Variants in DSCAM observed in about 807,000 individuals in gnomAD.
The protein encoded by DSCAM is DS cell adhesion molecule.
In DSCAM, 47 loss-of-function variants were observed where a neutral mutation model predicts 217.7. The observed-to-expected ratio is 0.22, with a 90% CI of 0.17 to 0.28. The LOEUF (loss-of-function observed/expected upper bound fraction) is 0.28, where lower values mean the gene tolerates loss of function less well. DSCAM is among the 10% of genes least tolerant of loss of function. DSCAM has a pLI of 1.00. For missense variants in DSCAM, 2,080 were observed against 2,618.3 expected, an observed-to-expected ratio of 0.79 and a Z score of 4.49; for synonymous variants, 1,056 against 1,015.3, an observed-to-expected ratio of 1.04 and a Z score of -0.76.
At chr21:40,077,902 C>T (rs1039340072) in intron 26 of DSCAM, among the ~76,000 whole-genome samples, 1 of 152,182 alleles carries the variant, frequency 6.6e-6, no homozygotes, top group African/African-American at 2.4e-5. Context: ...CTAACTCAAT[C>T]CTTGCTGTTC....
At position 40,194,830 on chromosome 21, in the gene DSCAM, C is replaced by T. The variant is rs550594169; in HGVS notation, c.2357-5592G>A. Reference sequence around the variant, plus strand: ...TGGCAGTGCAGTCATGTCTCTTTCCCATTTAGCTTGAAATTGGCAATGGTG... The same window carrying T: ...TGGCAGTGCAGTCATGTCTCTTTCCTATTTAGCTTGAAATTGGCAATGGTG... On this transcript the variant is annotated intron_variant, in intron 11 of 32. Transcript: ENST00000400454. 1.9e-4 allele frequency among the ~76,000 whole-genome samples: 29 copies of T among 152,256 alleles called. No individual in the cohort carries two copies. In the South Asian group the frequency reaches 5.4e-3, roughly 28 times the overall value.
At chr21:40,784,449 A>T (rs2091575071) in intron 1 of DSCAM, among the ~76,000 whole-genome samples, 1 of 152,198 alleles carries the variant, frequency 6.6e-6, no homozygotes, top group African/African-American at 2.4e-5. Flanking sequence ...TAAACTACCC[A>T]GTCTCAGGTA....
chr21:40,669,374 T>C (rs1431017317), intron 3 of DSCAM, among the ~76,000 whole-genome samples: 1 of 152,094 alleles, frequency 6.6e-6, no homozygotes, highest in Non-Finnish European at 1.5e-5. Flanking sequence ...CAAAGAGTAA[T>C]TAGTACTTGG....
intron 3 of DSCAM, among the ~76,000 whole-genome samples, chr21:40,565,864 CTT>C (rs914911606): frequency 3.3e-5 from 5 of 152,198 alleles, no homozygotes; most frequent in Non-Finnish European, 7.3e-5. Flanking sequence ...AAATTGGACT[CTT>C]GTCACTCCTG....
At chr21:40,675,053 A>G (rs1397887286) in intron 3 of DSCAM, among the ~76,000 whole-genome samples, 1 of 152,156 alleles carries the variant, frequency 6.6e-6, no homozygotes, top group African/African-American at 2.4e-5. Context: ...ACACGTACAC[A>G]CGATGCATGT....
chr21:40,506,442 A>C (rs1039022367), intron 3 of DSCAM, among the ~76,000 whole-genome samples: 2 of 152,206 alleles, frequency 1.3e-5, no homozygotes, highest in African/African-American at 4.8e-5. Context: ...GGTTGTTTTT[A>C]CCACTTATTT....
chr21:40,488,919 C>T (rs761801009), intron 3 of DSCAM, among the ~76,000 whole-genome samples: 5 of 152,104 alleles, frequency 3.3e-5, no homozygotes, highest in Non-Finnish European at 7.3e-5. Flanking sequence ...TCTGCAGCCA[C>T]GTGGAAAGAA....
rs547102054 is a variant in DSCAM, at chr21:40,076,433, A to C, written c.4712-1220T>G. On this transcript the variant is annotated intron_variant, in intron 26 of 32. Coordinates refer to ENST00000400454, the MANE Select transcript of DSCAM (RefSeq NM_001389.5). ...GGCTGCCAATCTTGGCTTTCTCAAG[A>C]TAACAAAGTTCTTCAGGCAGATGTG... Among the ~76,000 whole-genome samples, 15 of 152,342 alleles carry C rather than the reference A, an allele frequency of 9.8e-5. No individual in the cohort carries two copies. In the South Asian group the frequency reaches 2.9e-3, roughly 29 times the overall value.
At chr21:40,324,271 C>G (rs2074294721) in intron 8 of DSCAM, among the ~76,000 whole-genome samples, 1 of 151,518 alleles carries the variant, frequency 6.6e-6, no homozygotes, top group African/African-American at 2.4e-5. Flanking sequence ...AAAAGATATC[C>G]CAAGGCATAA....
chr21:40,140,089 C>T (rs529161576), intron 18 of DSCAM, among the ~76,000 whole-genome samples: 3 of 152,066 alleles, frequency 2.0e-5, no homozygotes, highest in East Asian at 3.9e-4. Context: ...CAGCCAGTCC[C>T]GGAGGCTGCA....
Position 40,708,736 on chromosome 21 carries a change from C to G in DSCAM, c.79G>C (p.Val27Leu). Reference sequence around the variant, plus strand: ...ACTACCTCTTGCAGAGATGCATTGACAAAGTAGAGGCTGGAGTGTAGGTCT... The same window carrying G: ...ACTACCTCTTGCAGAGATGCATTGAGAAAGTAGAGGCTGGAGTGTAGGTCT... ...SEDLHSSLYF[V>L]NASLQEVVFA... The change falls in exon 2 of 33, where the codon GTC becomes CTC. Residue 27 changes from valine (V) to leucine (L), a missense_variant. Physicochemically the swap from Val to Leu is conservative, Grantham distance 32 (BLOSUM62 1). This residue lies in a region of DSCAM where 568 missense variants were observed against 678.1 expected (regional missense o/e 0.84). Transcript: ENST00000400454. The G allele has an allele frequency of 6.2e-7, 1 of 1,601,358 alleles. No homozygotes were observed. Among genetic ancestry groups the G allele is most frequent in the South Asian group, 1.1e-5 (1 of 88,074 alleles).
intron 23 of DSCAM, among the ~76,000 whole-genome samples, chr21:40,085,101 T>C (rs1048676032): frequency 6.6e-6 from 1 of 152,240 alleles, no homozygotes; most frequent in Admixed American, 6.5e-5. Context: ...TTGTGTATGA[T>C]ATCAAGAAAA....
intron 3 of DSCAM, among the ~76,000 whole-genome samples, chr21:40,552,063 C>T (rs547171847): frequency 1.5e-4 from 23 of 152,272 alleles, no homozygotes; most frequent in South Asian, 1.5e-3. Flanking sequence ...CACCTGTAAT[C>T]CCAGCACTTT....
intron 3 of DSCAM, among the ~76,000 whole-genome samples, chr21:40,476,327 C>A (rs1446018728): frequency 6.6e-6 from 1 of 152,206 alleles, no homozygotes; most frequent in African/African-American, 2.4e-5. Flanking sequence ...TGGACCATTT[C>A]TTAACTTTCC....
intron 1 of DSCAM, among the ~76,000 whole-genome samples, chr21:40,787,042 T>C (rs143762623): frequency 6.6e-6 from 1 of 152,312 alleles, no homozygotes; most frequent in African/African-American, 2.4e-5. Flanking sequence ...TCTAAATACA[T>C]TGAATCATTG....
intron 3 of DSCAM, among the ~76,000 whole-genome samples, chr21:40,512,779 C>T (rs1367327066): frequency 6.6e-6 from 1 of 152,082 alleles, no homozygotes; most frequent in African/African-American, 2.4e-5. Flanking sequence ...TCCCCCGAGA[C>T]CCATTAACGG....
intron 3 of DSCAM, among the ~76,000 whole-genome samples, chr21:40,651,225 C>T (rs1464836401): frequency 5.3e-5 from 8 of 152,272 alleles, no homozygotes; most frequent in East Asian, 1.9e-4. Flanking sequence ...AACACATGGA[C>T]GGCCTTGGCT....
rs186823376 is a variant in DSCAM, at chr21:40,569,158, G to A, written c.508+123652C>T. On this transcript the variant is annotated intron_variant, in intron 3 of 32. Coordinates refer to ENST00000400454, the MANE Select transcript of DSCAM (RefSeq NM_001389.5). The stretch of plus-strand genomic sequence containing the variant: ...GTGCCTTGCTGTTGGATGATGTCAG[G>A]ATTCACAGCCCTTTCATTTTCTTGC... Among the ~76,000 whole-genome samples the A allele has an allele frequency of 1.7e-3, 261 of 152,286 alleles. 1 individual carries two copies. The highest frequency in any genetic ancestry group is 5.8e-3 in the African/African-American group (242 of 41,562).
chr21:40,220,973 T>C (rs1165310693), intron 11 of DSCAM, among the ~76,000 whole-genome samples: 1 of 152,108 alleles, frequency 6.6e-6, no homozygotes, highest in Non-Finnish European at 1.5e-5. Context: ...TGAACCATCC[T>C]AGGAGGTAGC....
Sources: allele counts gnomAD v4.1 joint callset (sites outside exome capture counted in the v4.1 genomes callset), GRCh38; gene constraint gnomAD v4.1.1; regional missense constraint gnomAD v4.1.1; transcripts MANE v1.5; gene names NCBI Gene and HGNC (gene_info 2026-07-23, HGNC 2026-07-21).